Variants in TENM3 observed in about 807,000 individuals in gnomAD.
The protein encoded by TENM3 is teneurin transmembrane protein 3, also known as teneurin-3.
In TENM3, 63 loss-of-function variants were observed where a neutral mutation model predicts 255.1. The ratio of observed to expected loss-of-function variants is 0.25; its 90% confidence interval spans 0.20 to 0.30. The LOEUF is 0.30. Among genes scored for constraint, TENM3 ranks in the 10% least tolerant of loss-of-function variants. TENM3 has a pLI of 1.00. For missense variants in TENM3, 2,929 were observed against 3,461.1 expected (o/e 0.85, Z 3.86); for synonymous variants, 1,306 against 1,322.3 (o/e 0.99, Z 0.27).
At chr4:181,487,613 A>G in the TENM3 span, among the ~76,000 whole-genome samples, 1 of 152,008 alleles carries the variant, frequency 6.6e-6, no homozygotes, top group East Asian at 1.9e-4. Context: ...CAAAGTCACC[A>G]CCTCCTAATA....
chr4:181,954,596 C>CT, the TENM3 span, among the ~76,000 whole-genome samples: 3 of 151,910 alleles, frequency 2.0e-5, no homozygotes, highest in African/African-American at 7.3e-5. Context: ...CACTTTTTGT[C>CT]TTTTTTATTA....
chr4:181,791,735 T>C, the TENM3 span, among the ~76,000 whole-genome samples: 1 of 152,202 alleles, frequency 6.6e-6, no homozygotes, highest in East Asian at 1.9e-4. Context: ...CAGGTAACTG[T>C]GGTCCCTGCA....
At chr4:181,629,845 A>G in the TENM3 span, among the ~76,000 whole-genome samples, 13,629 of 152,204 alleles carry the variant, frequency 0.09, 651 homozygotes, top group East Asian at 0.14. Flanking sequence ...GATGATGCCG[A>G]CCTCATAAAA....
chr4:181,522,799 C>T, the TENM3 span: 1 of 849,554 alleles, frequency 1.2e-6, no homozygotes. Context: ...CCTGGTCAAA[C>T]TTTAATTTAT....
chr4:181,736,944 A>C, the TENM3 span, among the ~76,000 whole-genome samples: 3 of 152,074 alleles, frequency 2.0e-5, no homozygotes, highest in Non-Finnish European at 2.9e-5. Flanking sequence ...GGCCCATAAC[A>C]CAATCACTTC....
At chr4:181,965,563 C>T in the TENM3 span, among the ~76,000 whole-genome samples, 1 of 152,142 alleles carries the variant, frequency 6.6e-6, no homozygotes, top group Non-Finnish European at 1.5e-5. Flanking sequence ...TTTAATAAGA[C>T]CACCATGCCA....
chr4:181,992,975 A>G, the TENM3 span, among the ~76,000 whole-genome samples: 1 of 152,160 alleles, frequency 6.6e-6, no homozygotes, highest in Non-Finnish European at 1.5e-5. Context: ...CAGAGATGGC[A>G]TTAAGTATTC....
chr4:182,754,111 G>T lies in TENM3; in HGVS notation c.4018-274G>T, dbSNP rs112777946. 4.5e-3 allele frequency among the ~76,000 whole-genome samples: 679 copies of T among 152,286 alleles called. 5 individuals carry two copies. The highest frequency in any genetic ancestry group is 0.015 in the African/African-American group (634 of 41,574). Reference sequence around the variant, plus strand: ...GGAACATGTGTGTTCATAGCTCATCGATATCTGTTGACTCACTACGTAGAG... The same window carrying T: ...GGAACATGTGTGTTCATAGCTCATCTATATCTGTTGACTCACTACGTAGAG... On this transcript the variant is annotated intron_variant, in intron 21 of 27. Coordinates refer to ENST00000511685, the MANE Select transcript of TENM3 (RefSeq NM_001080477.4). The surrounding 1 kb of genome is among the most constrained non-coding windows in gnomAD (Gnocchi z 5.1).
intron 3 of TENM3, among the ~76,000 whole-genome samples, chr4:182,499,306 C>CA (rs1736101014): frequency 6.6e-6 from 1 of 152,308 alleles, no homozygotes; most frequent in South Asian, 2.1e-4. Context: ...GATACCTGAA[C>CA]ATGTAATTTT....
At chr4:182,741,406 G>A (rs1257439476) in intron 18 of TENM3, among the ~76,000 whole-genome samples, 1 of 152,188 alleles carries the variant, frequency 6.6e-6, no homozygotes, top group East Asian at 1.9e-4. Context: ...CGTAGATGCT[G>A]ACAGTTATTC....
the TENM3 span, among the ~76,000 whole-genome samples, chr4:182,076,214 T>G: frequency 3.6e-5 from 1 of 27,652 alleles, no homozygotes; most frequent in Admixed American, 3.5e-4. Context: ...CTTCTTCTTC[T>G]TTTTTTTTTT....
In TENM3 at chr4:182,406,196, T is replaced by C. The variant is rs545171631; in HGVS notation, c.511+59267T>C. Among the ~76,000 whole-genome samples the C allele has an allele frequency of 8.9e-4, 136 of 152,104 alleles. 4 individuals are homozygous for C. The Middle Eastern group carries it at 0.027, about 30-fold the overall frequency. ...GGTGGGTGCCTGTAGTCCCAGCTACTTGGGAGGCCGAGGCAGGAGAATTGC... is the reference window on the plus strand; with the variant it reads ...GGTGGGTGCCTGTAGTCCCAGCTACCTGGGAGGCCGAGGCAGGAGAATTGC... On this transcript the variant is annotated intron_variant, in intron 3 of 27. Transcript: ENST00000511685.
the TENM3 span, among the ~76,000 whole-genome samples, chr4:181,888,494 G>GTATATATATGTGTATATA: frequency 6.4e-4 from 18 of 28,228 alleles, no homozygotes; most frequent in Admixed American, 4.1e-3. Flanking sequence ...ATAGAAATGT[G>GTATATATATGTGTATATA]TATATATATA....
chr4:181,573,705 A>G, the TENM3 span, among the ~76,000 whole-genome samples: 1 of 152,204 alleles, frequency 6.6e-6, no homozygotes, highest in African/African-American at 2.4e-5. Flanking sequence ...CCCAAACAAT[A>G]ACAAACTCAG....
the TENM3 span, among the ~76,000 whole-genome samples, chr4:181,766,853 C>T: frequency 1.3e-5 from 2 of 151,788 alleles, no homozygotes. Flanking sequence ...TCCAAAACAC[C>T]ACCACAAAGC....
At chr4:182,422,971 TCC>T (rs1770947869) in intron 3 of TENM3, among the ~76,000 whole-genome samples, 1 of 152,172 alleles carries the variant, frequency 6.6e-6, no homozygotes, top group African/African-American at 2.4e-5. Context: ...GAGGCCTTGT[TCC>T]TAACCTTGAA....
At chr4:182,687,486 A>C (rs1579113608) in intron 11 of TENM3, among the ~76,000 whole-genome samples, 1 of 152,212 alleles carries the variant, frequency 6.6e-6, no homozygotes, top group South Asian at 2.1e-4. Context: ...GAATTGAAAA[A>C]CCTTGTTTTT....
chr4:182,531,773 A>G (rs908081), intron 3 of TENM3, among the ~76,000 whole-genome samples: 123,557 of 151,938 alleles, frequency 0.81, 50,721 homozygotes, highest in East Asian at 0.96. Context: ...TTTTACTGGG[A>G]CTGGTCATGG....
At chr4:181,992,150 C>T in the TENM3 span, among the ~76,000 whole-genome samples, 3 of 152,112 alleles carry the variant, frequency 2.0e-5, no homozygotes, top group African/African-American at 7.2e-5. Context: ...CTTTATTAAG[C>T]ATGCCTTTTT....
Sources: gnomAD v4.1 joint callset for allele counts (sites outside exome capture counted in the v4.1 genomes callset) on GRCh38, gnomAD v4.1.1 for gene constraint, Gnocchi (gnomAD v3.1) non-coding constraint, MANE v1.5 for transcripts, NCBI Gene and HGNC (gene_info 2026-07-23, HGNC 2026-07-21) for gene names.